KCNA5: variants seen among roughly 807,000 people sequenced by gnomAD.
KCNA5 encodes potassium voltage-gated channel subfamily A member 5, also known as cardiac potassium channel.
KCNA5 carries 22 observed loss-of-function variants against 26.5 expected under a neutral mutation model. The ratio of observed to expected loss-of-function variants is 0.83; its 90% CI spans 0.59 to 1.18. The LOEUF (loss-of-function observed/expected upper bound fraction) is 1.18, where lower values mean the gene tolerates loss of function less well. KCNA5 is among the 50% of genes most tolerant of loss of function. The pLI, the probability that KCNA5 is intolerant of heterozygous loss-of-function variation, is 0.00. For missense variants in KCNA5, 916 were observed against 843.2 expected, an observed-to-expected ratio of 1.09 and a Z score of -1.07; for synonymous variants, 465 against 372.8, an observed-to-expected ratio of 1.25 and a Z score of -2.85.
chr12:5,045,625 G>A lies in KCNA5; in HGVS notation c.1478G>A (p.Gly493Asp). ...YGDMRPITVG[G>D]KIVGSLCAIA... ...GACATGAGGCCCATCACTGTTGGGG[G>A]CAAGATCGTGGGCTCGCTGTGTGCC... The change falls in exon 1 of 1, where the codon GGC (glycine) becomes GAC (aspartate). Residue 493 changes from glycine (G) to aspartate (D), a missense_variant. Coordinates refer to ENST00000252321, the MANE Select transcript of KCNA5 (RefSeq NM_002234.4). This position sits in a 1 kb window ranked among gnomAD's most constrained non-coding sequence, Gnocchi z 5.6. The A allele has an allele frequency of 6.2e-7, 1 of 1,614,200 alleles. No individual in the cohort carries two copies. Among genetic ancestry groups the A allele is most frequent in the Non-Finnish European group, 8.5e-7 (1 of 1,180,036 alleles).
rs1591662035 is a variant in KCNA5, at chr12:5,045,410, GA to G, written c.1264del (p.Ile422SerfsTer10). 1 of 1,614,160 alleles carries G rather than the reference GA, an allele frequency of 6.2e-7. No individual in the cohort carries two copies. The highest frequency in any genetic ancestry group is 2.2e-5 in the East Asian group (1 of 44,866). ...KLSRHSKGLQ[I>X]LGKTLQASMR... ...TCTCCCGCCACTCCAAGGGGCTGCA[GA>G]TCCTGGGCAAGACCTTGCAGGCCTC... On this transcript the variant is annotated frameshift_variant, in exon 1 of 1. Transcript: ENST00000252321. LOFTEE classifies it high-confidence loss of function. The surrounding 1 kb of genome is among the most constrained non-coding windows in gnomAD (Gnocchi z 5.6).
At position 5,044,368 on chromosome 12, in the gene KCNA5, G is replaced by C; in HGVS notation, c.221G>C (p.Gly74Ala). 1 of 1,556,132 alleles carries C rather than the reference G, an allele frequency of 6.4e-7. No individual in the cohort carries two copies. Among genetic ancestry groups the C allele is most frequent in the Non-Finnish European group, 8.6e-7 (1 of 1,156,158 alleles). Residue 74 changes from glycine (G) to alanine (A), a missense_variant, in exon 1 of 1, where the codon GGA (glycine) becomes GCA (alanine). Coordinates refer to ENST00000252321, the MANE Select transcript of KCNA5 (RefSeq NM_002234.4). ...VRPLPPLPDP[G>A]VRPLPPLPEE... ...CCCTTGCCTCCGCTGCCGGACCCGG[G>C]AGTGCGGCCCTTGCCTCCGCTGCCA... is the stretch of plus-strand genomic sequence containing the variant.
chr12:5,044,532 C>T lies in KCNA5; in HGVS notation c.385C>T (p.Leu129=). ...GCGCGTCCACATCAACATCTCCGGGCTGCGCTTTGAGACGCAGCTGGGCAC... is the reference window on the plus strand; with the variant it reads ...GCGCGTCCACATCAACATCTCCGGGTTGCGCTTTGAGACGCAGCTGGGCAC... The part of the protein sequence containing the change: ...HQRVHINISG[L]RFETQLGTLA... The change falls in exon 1 of 1, where the codon CTG becomes TTG. Residue 129 remains leucine, a synonymous_variant. Coordinates refer to ENST00000252321, the MANE Select transcript of KCNA5 (RefSeq NM_002234.4). 6.2e-7 allele frequency: 1 copy of T among 1,613,712 alleles called. No homozygotes were observed.
rs1461758263 is a variant in KCNA5, at chr12:5,044,133, C to T, written c.-15C>T. The T allele has an allele frequency of 1.3e-6, 2 of 1,534,224 alleles. No individual in the cohort carries two copies. The highest frequency in any genetic ancestry group is 1.7e-6 in the Non-Finnish European group (2 of 1,146,420). On this transcript the variant is annotated 5_prime_UTR_variant, in exon 1 of 1. Coordinates refer to ENST00000252321, the MANE Select transcript of KCNA5 (RefSeq NM_002234.4). ...CCGGTCAGCTGGGGCGCAGCATGCC[C>T]TCTGCTCCCGCGCCATGGAGATCGC...
At position 5,045,147 on chromosome 12, in the gene KCNA5, T is replaced by C; in HGVS notation, c.1000T>C (p.Trp334Arg). The C allele has an allele frequency of 6.2e-7, 1 of 1,614,138 alleles. No individual in the cohort carries two copies. The highest frequency in any genetic ancestry group is 8.5e-7 in the Non-Finnish European group (1 of 1,180,036). Reference protein sequence around the residue: ...FFIVETTCVIWFTFELLVRFF... With the variant: ...FFIVETTCVIRFTFELLVRFF... ...CATCGTGGAGACCACGTGCGTCATC[T>C]GGTTCACCTTCGAGCTGCTCGTGCG... Residue 334 changes from tryptophan to arginine, a missense_variant, in exon 1 of 1, where the codon TGG becomes CGG. Physicochemically the swap from Trp to Arg is moderately radical, Grantham distance 101 (BLOSUM62 -3). Coordinates refer to ENST00000252321, the MANE Select transcript of KCNA5 (RefSeq NM_002234.4). This position sits in a 1 kb window ranked among gnomAD's most constrained non-coding sequence, Gnocchi z 5.6.
chr12:5,044,573 C>T lies in KCNA5; in HGVS notation c.426C>T (p.Pro142=), dbSNP rs145136040. The T allele has an allele frequency of 6.1e-5, 99 of 1,613,944 alleles. No homozygotes were observed. Among genetic ancestry groups the T allele is most frequent in the Non-Finnish European group, 7.9e-5 (93 of 1,180,042 alleles). ...AGCTGGGCACCCTGGCGCAGTTCCCCAACACACTCCTGGGGGACCCCGCCA... is the reference window on the plus strand; with the variant it reads ...AGCTGGGCACCCTGGCGCAGTTCCCTAACACACTCCTGGGGGACCCCGCCA... ...ETQLGTLAQF[P]NTLLGDPAKR... Residue 142 remains proline (P), a synonymous_variant, in exon 1 of 1, where the codon CCC becomes CCT. Transcript: ENST00000252321.
In KCNA5 at chr12:5,046,444, T is replaced by C. The variant is rs909072134; in HGVS notation, c.*455T>C. On this transcript the variant is annotated 3_prime_UTR_variant, in exon 1 of 1. Coordinates refer to ENST00000252321, the MANE Select transcript of KCNA5 (RefSeq NM_002234.4). ...GTGGCTTTTTGTACTGTAGTTCAGA[T>C]AGAGATATTTTGGGTATATTTTCAA... 36 of 212,300 alleles carry C rather than the reference T, an allele frequency of 1.7e-4. No individual in the cohort carries two copies. The South Asian group carries it at 3.4e-3, about 20-fold the overall frequency. 13.2% of individuals were successfully genotyped at this position (212,300 alleles called of 1,614,324 possible). A position where few individuals can be genotyped will look rare whatever the true frequency, so the allele number is the denominator to read the frequency against.
chr12:5,044,309 C>T lies in KCNA5; in HGVS notation c.162C>T (p.Arg54=), dbSNP rs1211856296. 8.4e-6 allele frequency: 13 copies of T among 1,549,632 alleles called. No homozygotes were observed. Among genetic ancestry groups the T allele is most frequent in the East Asian group, 2.4e-5 (1 of 42,236 alleles). ...CCAAGGAGCCGGCGCCAAAGGGGCG[C>T]GGCGCGCAGAGAGACGCGGACTCGG... is the stretch of plus-strand genomic sequence containing the variant. The part of the protein sequence containing the change: ...DGPKEPAPKG[R]GAQRDADSGV... The change falls in exon 1 of 1, where the codon CGC becomes CGT. Residue 54 remains arginine, a synonymous_variant. Transcript: ENST00000252321.
At position 5,046,244 on chromosome 12, in the gene KCNA5, G is replaced by A. The variant is rs1353714704; in HGVS notation, c.*255G>A. ...GTGGAAATGGTGAGCGCTGTGAGAT[G>A]GATGTATTTGTAGCCAGTCTCCTAT... is the stretch of plus-strand genomic sequence containing the variant. On this transcript the variant is annotated 3_prime_UTR_variant, in exon 1 of 1. Transcript: ENST00000252321. 1 of 548,448 alleles carries A rather than the reference G, an allele frequency of 1.8e-6. No homozygotes were observed. The highest frequency in any genetic ancestry group is 3.4e-6 in the Non-Finnish European group (1 of 294,068). 34.0% of individuals were successfully genotyped at this position (548,448 alleles called of 1,614,324 possible). A position where few individuals can be genotyped will look rare whatever the true frequency, so the allele number is the denominator to read the frequency against.
In KCNA5 at chr12:5,045,359, G is replaced by C. The variant is rs759228414; in HGVS notation, c.1212G>C (p.Leu404=). 4 of 1,613,932 alleles carry C rather than the reference G, an allele frequency of 2.5e-6. No individual in the cohort carries two copies. In the South Asian group the frequency reaches 3.3e-5, roughly 13 times the overall value. The change falls in exon 1 of 1, where the codon CTG becomes CTC. Residue 404 remains leucine (L), a synonymous_variant. Transcript: ENST00000252321. The surrounding 1 kb of genome is among the most constrained non-coding windows in gnomAD (Gnocchi z 5.6). ...TGGCCATCCTCCGAGTCATCCGCCT[G>C]GTCCGGGTGTTCCGCATCTTCAAGC... is the stretch of plus-strand genomic sequence containing the variant. ...MSLAILRVIR[L]VRVFRIFKLS... is the part of the protein sequence containing the mutation.
rs1304613766 is a variant in KCNA5, at chr12:5,045,569, A to G, written c.1422A>G (p.Ala474=). The change falls in exon 1 of 1, where the codon GCA becomes GCG. Residue 474 remains alanine, a synonymous_variant. Transcript: ENST00000252321. This position sits in a 1 kb window ranked among gnomAD's most constrained non-coding sequence, Gnocchi z 5.6. The part of the protein sequence containing the change: ...FSSIPDAFWW[A]VVTMTTVGYG... ...GCATCCCTGACGCCTTCTGGTGGGCAGTGGTCACCATGACCACTGTGGGCT... is the reference window on the plus strand; with the variant it reads ...GCATCCCTGACGCCTTCTGGTGGGCGGTGGTCACCATGACCACTGTGGGCT... 1 of 1,614,196 alleles carries G rather than the reference A, an allele frequency of 6.2e-7. No homozygotes were observed. The highest frequency in any genetic ancestry group is 1.1e-5 in the South Asian group (1 of 91,082).
Position 5,044,103 on chromosome 12 carries a change from G to C in KCNA5, c.-45G>C, listed in dbSNP as rs1188578472. 2 of 1,531,384 alleles carry C rather than the reference G, an allele frequency of 1.3e-6. No homozygotes were observed. The highest frequency in any genetic ancestry group is 2.4e-5 in the East Asian group (1 of 40,832). 94.9% of individuals were successfully genotyped at this position (1,531,384 alleles called of 1,614,324 possible). ...CCCGCGGAGCGTGAGTAGGGGGCGC[G>C]GGAGCCGGTCAGCTGGGGCGCAGCA... On this transcript the variant is annotated 5_prime_UTR_variant, in exon 1 of 1. Transcript: ENST00000252321.
rs1350708715 is a variant in KCNA5 at position 5,044,755 on chromosome 12, A to C, written c.608A>C (p.Tyr203Ser). Residue 203 changes from tyrosine (Y) to serine (S), a missense_variant, in exon 1 of 1, where the codon TAC becomes TCC. By Grantham distance (144) the Tyr-to-Ser change is moderately radical. Transcript: ENST00000252321. ...GTGTTCGCGGACGAGATACGCTTCT[A>C]CCAGCTGGGGGACGAGGCCATGGAG... is the stretch of plus-strand genomic sequence containing the variant. ...LDVFADEIRF[Y>S]QLGDEAMERF... The C allele has an allele frequency of 1.2e-6, 2 of 1,614,024 alleles. No homozygotes were observed. The highest frequency in any genetic ancestry group is 2.7e-5 in the African/African-American group (2 of 75,020).
chr12:5,045,872 T>C lies in KCNA5; in HGVS notation c.1725T>C (p.Ser575=). ...KAGGTLENAD[S]ARRGSCPLEK... is the part of the protein sequence containing the mutation. ...GGGGGACCCTGGAGAATGCAGACAG[T>C]GCCCGAAGGGGCAGCTGCCCCCTAG... The change falls in exon 1 of 1, where the codon AGT becomes AGC. Residue 575 remains serine (S), a synonymous_variant. Transcript: ENST00000252321. This position sits in a 1 kb window ranked among gnomAD's most constrained non-coding sequence, Gnocchi z 5.6. 1.2e-6 allele frequency: 2 copies of C among 1,614,066 alleles called. No individual in the cohort carries two copies. The highest frequency in any genetic ancestry group is 2.2e-5 in the South Asian group (2 of 91,084).
chr12:5,044,255 T>C lies in KCNA5; in HGVS notation c.108T>C (p.Cys36=). 1 of 1,540,158 alleles carries C rather than the reference T, an allele frequency of 6.5e-7. No individual in the cohort carries two copies. The highest frequency in any genetic ancestry group is 8.7e-7 in the Non-Finnish European group (1 of 1,148,502). ...AGGCCACAGGGGGAGAGCTCCAGTGTCCCCCGACGGCTGGGCTCAGCGATG... is the reference window on the plus strand; with the variant it reads ...AGGCCACAGGGGGAGAGCTCCAGTGCCCCCCGACGGCTGGGCTCAGCGATG... ...CGQATGGELQ[C]PPTAGLSDGP... is the part of the protein sequence containing the mutation. Residue 36 remains cysteine (C), a synonymous_variant, in exon 1 of 1, where the codon TGT becomes TGC. Coordinates refer to ENST00000252321, the MANE Select transcript of KCNA5 (RefSeq NM_002234.4).
chr12:5,045,920 G>C lies in KCNA5; in HGVS notation c.1773G>C (p.Lys591Asn). The C allele has an allele frequency of 6.2e-7, 1 of 1,614,012 alleles. No homozygotes were observed. Among genetic ancestry groups the C allele is most frequent in the Non-Finnish European group, 8.5e-7 (1 of 1,180,048 alleles). ...TAGAGAAGTGTAACGTCAAGGCCAA[G>C]AGCAACGTGGACTTGCGGAGGTCCC... Reference protein sequence around the residue: ...CPLEKCNVKAKSNVDLRRSLY... With the variant: ...CPLEKCNVKANSNVDLRRSLY... The change falls in exon 1 of 1, where the codon AAG (lysine) becomes AAC (asparagine). Residue 591 changes from lysine (K) to asparagine (N), a missense_variant. By Grantham distance (94) the Lys-to-Asn change is moderately conservative (BLOSUM62 0). Transcript: ENST00000252321. The surrounding 1 kb of genome is among the most constrained non-coding windows in gnomAD (Gnocchi z 5.6).
Position 5,044,455 on chromosome 12 carries a change from G to A in KCNA5, c.308G>A (p.Gly103Asp). Reference protein sequence around the residue: ...PEDEEEEGDPGLGTVEDQALG... With the variant: ...PEDEEEEGDPDLGTVEDQALG... ...GACGAGGAGGAAGAAGGCGATCCCG[G>A]CCTGGGCACGGTGGAGGACCAGGCT... The change falls in exon 1 of 1, where the codon GGC (glycine) becomes GAC (aspartate). Residue 103 changes from glycine to aspartate, a missense_variant. By Grantham distance (94) the Gly-to-Asp change is moderately conservative. Coordinates refer to ENST00000252321, the MANE Select transcript of KCNA5 (RefSeq NM_002234.4). The A allele has an allele frequency of 1.2e-6, 2 of 1,610,852 alleles. No individual in the cohort carries two copies. Among genetic ancestry groups the A allele is most frequent in the African/African-American group, 1.3e-5 (1 of 75,050 alleles).
Position 5,045,641 on chromosome 12 carries a change from G to A in KCNA5, c.1494G>A (p.Ser498=), listed in dbSNP as rs576837393. The A allele has an allele frequency of 1.5e-5, 24 of 1,614,210 alleles. No homozygotes were observed. The South Asian group carries it at 2.4e-4, about 16-fold the overall frequency. ...CTGTTGGGGGCAAGATCGTGGGCTC[G>A]CTGTGTGCCATCGCCGGGGTCCTCA... ...PITVGGKIVG[S]LCAIAGVLTI... is the part of the protein sequence containing the mutation. The change falls in exon 1 of 1, where the codon TCG becomes TCA. Residue 498 remains serine, a synonymous_variant. Coordinates refer to ENST00000252321, the MANE Select transcript of KCNA5 (RefSeq NM_002234.4). The surrounding 1 kb of genome is among the most constrained non-coding windows in gnomAD (Gnocchi z 5.6).
rs150208806 is a variant in KCNA5, at chr12:5,045,807, C to A, written c.1660C>A (p.Arg554=). ...QGPGLDRGVQ[R]KVSGSRGSFC... ...GCCGGGGCTGGACAGAGGAGTCCAGCGGAAGGTCAGCGGGAGCAGGGGATC... is the reference window on the plus strand; with the variant it reads ...GCCGGGGCTGGACAGAGGAGTCCAGAGGAAGGTCAGCGGGAGCAGGGGATC... Residue 554 remains arginine (R), a synonymous_variant, in exon 1 of 1, where the codon CGG becomes AGG. Coordinates refer to ENST00000252321, the MANE Select transcript of KCNA5 (RefSeq NM_002234.4). This position sits in a 1 kb window ranked among gnomAD's most constrained non-coding sequence, Gnocchi z 5.6. The A allele has an allele frequency of 3.7e-6, 6 of 1,614,062 alleles. No homozygotes were observed. In the South Asian group the frequency reaches 4.4e-5, roughly 12 times the overall value.
Sources: gnomAD v4.1 joint callset for allele counts on GRCh38, gnomAD v4.1.1 for gene constraint, Gnocchi (gnomAD v3.1) non-coding constraint, MANE v1.5 for transcripts, NCBI Gene and HGNC (gene_info 2026-07-23, HGNC 2026-07-21) for gene names.